Variants in SYN3 observed in about 807,000 individuals in gnomAD.
SYN3 encodes the protein synapsin-3.
SYN3 carries 35 observed loss-of-function variants against 65.8 expected under a neutral mutation model. The ratio of observed to expected loss-of-function variants is 0.53; its 90% confidence interval spans 0.41 to 0.70. The LOEUF is 0.70. Among genes scored for constraint, SYN3 ranks in the 30% least tolerant of loss-of-function variants. The probability of loss-of-function intolerance (pLI) is 0.00; values close to 1 mark genes in which losing one functional copy is unlikely to be tolerated. For missense variants in SYN3, 680 were observed against 749.0 expected, an observed-to-expected ratio of 0.91 and a Z score of 1.08; for synonymous variants, 270 against 292.9, an observed-to-expected ratio of 0.92 and a Z score of 0.80.
At chr22:32,911,754 C>T (rs142753445) in intron 4 of SYN3, among the ~76,000 whole-genome samples, 1 of 152,164 alleles carries the variant, frequency 6.6e-6, no homozygotes, top group East Asian at 1.9e-4. Context: ...GCTGCTGCAC[C>T]GTATTAAAAA....
At chr22:32,941,086 C>T (rs142472399) in intron 3 of SYN3, among the ~76,000 whole-genome samples, 4 of 152,210 alleles carry the variant, frequency 2.6e-5, no homozygotes, top group African/African-American at 4.8e-5. Flanking sequence ...ACCTCCTCAA[C>T]GAAACCCTCA....
intron 7 of SYN3, among the ~76,000 whole-genome samples, chr22:32,555,675 C>A (rs1383021704): frequency 6.6e-6 from 1 of 152,128 alleles, no homozygotes; most frequent in African/African-American, 2.4e-5. Flanking sequence ...TTCTTTCTGG[C>A]AAAAATTAGC....
chr22:32,678,565 CCTT>C (rs1447909016), intron 6 of SYN3, among the ~76,000 whole-genome samples: 4 of 151,562 alleles, frequency 2.6e-5, no homozygotes, highest in African/African-American at 9.7e-5. Flanking sequence ...TCCTCCTCCT[CCTT>C]CCTCCTCCTC....
At position 32,814,498 on chromosome 22, in the gene SYN3, C is replaced by T. The variant is rs535696255; in HGVS notation, c.711+50417G>A. Reference sequence around the variant, plus strand: ...AACAGAAACCACTGCCCATCTTTTTCTAACGGAGAAAGACAAGAGATGGCT... The same window carrying T: ...AACAGAAACCACTGCCCATCTTTTTTTAACGGAGAAAGACAAGAGATGGCT... On this transcript the variant is annotated intron_variant, in intron 6 of 13. Coordinates refer to ENST00000358763, the MANE Select transcript of SYN3 (RefSeq NM_003490.4). Among the ~76,000 whole-genome samples, 147 of 152,268 alleles carry T rather than the reference C, an allele frequency of 9.7e-4. 1 individual carries two copies. Among genetic ancestry groups the T allele is most frequent in the African/African-American group, 2.1e-3 (86 of 41,558 alleles).
intron 4 of SYN3, among the ~76,000 whole-genome samples, chr22:32,882,665 G>A (rs549317808): frequency 6.6e-6 from 1 of 152,124 alleles, no homozygotes; most frequent in East Asian, 1.9e-4. Context: ...TAGTTTATGA[G>A]TGTTTGCTAA....
chr22:32,596,754 A>G lies in SYN3; in HGVS notation c.712-18T>C. 1.9e-6 allele frequency: 3 copies of G among 1,613,562 alleles called. No individual in the cohort carries two copies. Among genetic ancestry groups the G allele is most frequent in the South Asian group, 1.1e-5 (1 of 90,968 alleles). On this transcript the variant is annotated intron_variant, in intron 6 of 13. Coordinates refer to ENST00000358763, the MANE Select transcript of SYN3 (RefSeq NM_003490.4). Reference sequence around the variant, plus strand: ...GCTGTGACCTGAAAGAGACAAGAAGAAGTCACTCTTAACATCTCAGAGCAT... The same window carrying G: ...GCTGTGACCTGAAAGAGACAAGAAGGAGTCACTCTTAACATCTCAGAGCAT...
At chr22:32,627,609 C>T (rs911024403) in intron 6 of SYN3, among the ~76,000 whole-genome samples, 2 of 152,088 alleles carry the variant, frequency 1.3e-5, no homozygotes, top group African/African-American at 4.8e-5. Flanking sequence ...TGGGCAAGTG[C>T]AATCATACAC....
At chr22:32,938,514 A>G (rs1198950203) in intron 3 of SYN3, among the ~76,000 whole-genome samples, 2 of 150,404 alleles carry the variant, frequency 1.3e-5, no homozygotes, top group East Asian at 2.0e-4. Flanking sequence ...TGGGCAACAG[A>G]GTGAGACTCT....
chr22:32,643,023 T>C (rs2059925180), intron 6 of SYN3, among the ~76,000 whole-genome samples: 1 of 152,336 alleles, frequency 6.6e-6, no homozygotes. Context: ...CTTAAAAAGA[T>C]GAGCTTATAA....
chr22:33,013,418 G>C (rs2053397929), intron 1 of SYN3, among the ~76,000 whole-genome samples: 1 of 152,106 alleles, frequency 6.6e-6, no homozygotes, highest in South Asian at 2.1e-4. Context: ...CTCTGAGAAA[G>C]TTACTTTTAA....
chr22:32,920,480 G>A (rs563308659), intron 4 of SYN3, among the ~76,000 whole-genome samples: 1 of 152,252 alleles, frequency 6.6e-6, no homozygotes, highest in East Asian at 1.9e-4. Flanking sequence ...TAAGCACCTC[G>A]AGCTGGCTGG....
chr22:32,520,478 T>C (rs1175667401), intron 12 of SYN3, among the ~76,000 whole-genome samples: 2 of 152,180 alleles, frequency 1.3e-5, no homozygotes, highest in Non-Finnish European at 2.9e-5. Context: ...TATTGTGACT[T>C]GCTTAAGATG....
chr22:32,661,849 A>G (rs2060221614), intron 6 of SYN3, among the ~76,000 whole-genome samples: 1 of 152,220 alleles, frequency 6.6e-6, no homozygotes, highest in South Asian at 2.1e-4. Context: ...AGGGGACGTA[A>G]GTGGCTTGGC....
intron 4 of SYN3, among the ~76,000 whole-genome samples, chr22:32,907,589 A>T (rs1448630372): frequency 2.0e-5 from 3 of 152,214 alleles, no homozygotes; most frequent in Non-Finnish European, 4.4e-5. Flanking sequence ...CAAAAAATTC[A>T]CTAATCAAGG....
intron 1 of SYN3, chr22:33,015,276 G>T: frequency 1.8e-6 from 1 of 542,484 alleles, no homozygotes; most frequent in South Asian, 2.1e-5. Context: ...TCCAAAAGGA[G>T]CAGACTATTT....
intron 6 of SYN3, among the ~76,000 whole-genome samples, chr22:32,804,664 C>T (rs1383338356): frequency 1.3e-5 from 2 of 152,148 alleles, no homozygotes; most frequent in African/African-American, 4.8e-5. Context: ...TCTTTTTTCC[C>T]CAAAGTCCTA....
intron 6 of SYN3, among the ~76,000 whole-genome samples, chr22:32,808,449 G>T (rs1418523278): frequency 6.6e-6 from 1 of 152,194 alleles, no homozygotes; most frequent in Non-Finnish European, 1.5e-5. Flanking sequence ...GGACGCTGGG[G>T]TCTCATTATT....
intron 6 of SYN3, among the ~76,000 whole-genome samples, chr22:32,668,562 C>T (rs2060321880): frequency 6.6e-6 from 1 of 152,036 alleles, no homozygotes; most frequent in Admixed American, 6.5e-5. Flanking sequence ...CTCCTCCTTC[C>T]TCCACTCCTG....
intron 6 of SYN3, among the ~76,000 whole-genome samples, 156 bp from the exon 7 acceptor site, chr22:32,596,892 C>T (rs57344344): frequency 0.049 from 7,460 of 152,268 alleles, 630 homozygotes; most frequent in African/African-American, 0.17. Flanking sequence ...ATGGCCCAAA[C>T]ACCCTCAATG....
Sources: allele counts gnomAD v4.1 joint callset (sites outside exome capture counted in the v4.1 genomes callset), GRCh38; gene constraint gnomAD v4.1.1; transcripts MANE v1.5; gene names NCBI Gene and HGNC (gene_info 2026-07-23, HGNC 2026-07-21).